CTNNA2: variants seen among roughly 807,000 people sequenced by gnomAD.
CTNNA2 encodes catenin alpha-2.
A neutral mutation model predicts 101.0 loss-of-function variants in CTNNA2; 42 were observed. The observed-to-expected ratio is 0.42, with a 90% CI of 0.32 to 0.54. CTNNA2 has a LOEUF of 0.54. Ranked by LOEUF, CTNNA2 falls within the 20% of genes least tolerant of loss-of-function variation. The pLI is 0.14. For missense variants in CTNNA2, 871 were observed against 1,223.1 expected (o/e 0.71, Z 4.29); for synonymous variants, 450 against 456.4 (o/e 0.99, Z 0.18).
At chr2:79,487,347 C>T (rs1315326045) in intron 4 of CTNNA2, among the ~76,000 whole-genome samples, 1 of 152,174 alleles carries the variant, frequency 6.6e-6, no homozygotes, top group African/African-American at 2.4e-5. Flanking sequence ...TTCATATAAA[C>T]ATGCTGCTTC....
chr2:79,933,547 C>T (rs994844726), intron 7 of CTNNA2, among the ~76,000 whole-genome samples: 4 of 151,772 alleles, frequency 2.6e-5, no homozygotes, highest in East Asian at 1.9e-4. Flanking sequence ...CTCTGCGTCC[C>T]GGGTTCATGC....
At chr2:79,887,402 G>C (rs1000854771) in intron 6 of CTNNA2, among the ~76,000 whole-genome samples, 89 of 152,192 alleles carry the variant, frequency 5.8e-4, no homozygotes, top group African/African-American at 2.0e-3. Context: ...CATTTTCTAG[G>C]TCTAATTATG....
intron 15 of CTNNA2, among the ~76,000 whole-genome samples, chr2:80,591,788 G>C (rs113654329): frequency 0.014 from 2,076 of 152,102 alleles, 19 homozygotes; most frequent in Admixed American, 0.022. Flanking sequence ...TCATTAATTT[G>C]ATTCAGTAAT....
intron 2 of CTNNA2, among the ~76,000 whole-genome samples, chr2:79,206,477 C>A (rs543566907): frequency 6.6e-6 from 1 of 152,036 alleles, no homozygotes; most frequent in Non-Finnish European, 1.5e-5. Context: ...TTTTATGCAC[C>A]CTTTTGATCT....
In CTNNA2 at chr2:79,709,754, T is replaced by C. The variant is rs569668983; in HGVS notation, c.103-34633T>C. ...TCAGCAGGAAGTGGTAATGGAGAAA[T>C]AGGATGGGGTAGGGTGGGGTACAGA... is the stretch of plus-strand genomic sequence containing the variant. On this transcript the variant is annotated intron_variant, in intron 2 of 18. Coordinates refer to ENST00000402739, the MANE Select transcript of CTNNA2 (RefSeq NM_001282597.3). Among the ~76,000 whole-genome samples, 164 of 151,786 alleles carry C rather than the reference T, an allele frequency of 1.1e-3. 1 individual carries two copies. The highest frequency in any genetic ancestry group is 3.1e-3 in the Admixed American group (47 of 15,232).
At chr2:79,917,292 T>G (rs1278106643) in intron 7 of CTNNA2, among the ~76,000 whole-genome samples, 4 of 152,030 alleles carry the variant, frequency 2.6e-5, no homozygotes, top group Admixed American at 2.6e-4. Context: ...ATGGTCTTGA[T>G]CTCTTGATCT....
rs570422141 is a variant in CTNNA2 at position 80,072,457 on chromosome 2, T to C, written c.1056+162660T>C. On this transcript the variant is annotated intron_variant, in intron 7 of 18. Transcript: ENST00000402739. Reference sequence around the variant, plus strand: ...TTCTGGGGTACCCCACTGCTCCGTATCACTTTTATTTTCTATTTGTTTAAT... The same window carrying C: ...TTCTGGGGTACCCCACTGCTCCGTACCACTTTTATTTTCTATTTGTTTAAT... Among the ~76,000 whole-genome samples the C allele has an allele frequency of 4.6e-5, 7 of 152,296 alleles. No individual in the cohort carries two copies. In the East Asian group the frequency reaches 1.2e-3, roughly 25 times the overall value.
At chr2:79,434,892 C>T (rs1678697322) in intron 4 of CTNNA2, among the ~76,000 whole-genome samples, 2 of 152,136 alleles carry the variant, frequency 1.3e-5, no homozygotes, top group African/African-American at 4.8e-5. Context: ...TCTTCCAGTC[C>T]TGCCCCACAT....
At chr2:79,676,576 C>T (rs1683199286) in intron 2 of CTNNA2, among the ~76,000 whole-genome samples, 1 of 152,120 alleles carries the variant, frequency 6.6e-6, no homozygotes. Flanking sequence ...CCGTCAACAG[C>T]AACACCCTAC....
At chr2:80,646,609 G>GGC (rs1315725251) in intron 18 of CTNNA2, among the ~76,000 whole-genome samples, 1 of 151,812 alleles carries the variant, frequency 6.6e-6, no homozygotes, top group Admixed American at 6.6e-5. Context: ...CTGTGATGCA[G>GGC]GCAGTGAAGC....
At chr2:79,405,964 A>C (rs768180801) in intron 4 of CTNNA2, among the ~76,000 whole-genome samples, 2 of 152,062 alleles carry the variant, frequency 1.3e-5, no homozygotes, top group Non-Finnish European at 2.9e-5. Flanking sequence ...CCTCAGAAGA[A>C]TACTGAAAGA....
chr2:80,559,398 C>A (rs1309651673), intron 12 of CTNNA2, among the ~76,000 whole-genome samples: 1 of 152,138 alleles, frequency 6.6e-6, no homozygotes, highest in Non-Finnish European at 1.5e-5. Context: ...TAGGGAGACT[C>A]CCACTTTACC....
chr2:79,868,137 C>G (rs1379516812), intron 4 of CTNNA2, among the ~76,000 whole-genome samples: 5 of 152,214 alleles, frequency 3.3e-5, no homozygotes, highest in African/African-American at 1.2e-4. Flanking sequence ...CACATGAGCA[C>G]TATTAGAGCC....
At chr2:80,233,660 G>C (rs1041265204) in intron 7 of CTNNA2, among the ~76,000 whole-genome samples, 3 of 152,110 alleles carry the variant, frequency 2.0e-5, no homozygotes, top group Admixed American at 6.6e-5. Context: ...GCTAGAAAAG[G>C]CATCTCTTTA....
At chr2:79,667,127 G>T (rs988355718) in intron 2 of CTNNA2, among the ~76,000 whole-genome samples, 2 of 152,212 alleles carry the variant, frequency 1.3e-5, no homozygotes, top group African/African-American at 4.8e-5. Flanking sequence ...ACTAACTTTG[G>T]TAAAATTTAA....
intron 1 of CTNNA2, among the ~76,000 whole-genome samples, chr2:79,596,385 T>C (rs60077432): frequency 0.027 from 4,041 of 152,178 alleles, 165 homozygotes; most frequent in African/African-American, 0.092. Flanking sequence ...CCAAATGTTA[T>C]AATATATATA....
chr2:80,551,302 G>A (rs1692537283), intron 11 of CTNNA2, among the ~76,000 whole-genome samples: 1 of 152,116 alleles, frequency 6.6e-6, no homozygotes, highest in South Asian at 2.1e-4. Context: ...ATAACTCTTA[G>A]GGCCCTGGGA....
intron 7 of CTNNA2, among the ~76,000 whole-genome samples, chr2:80,095,356 C>T (rs1386767359): frequency 2.0e-5 from 3 of 152,212 alleles, no homozygotes; most frequent in African/African-American, 7.2e-5. Flanking sequence ...ATGAAGCCCA[C>T]TTGATCATGG....
chr2:79,524,801 T>G (rs1672312077), intron 1 of CTNNA2: 1 of 151,954 alleles, frequency 6.6e-6, no homozygotes, highest in Non-Finnish European at 1.5e-5. Flanking sequence ...ATCAGTATAT[T>G]TGTGAATCTT....
Sources: allele counts gnomAD v4.1 joint callset (sites outside exome capture counted in the v4.1 genomes callset), GRCh38; gene constraint gnomAD v4.1.1; transcripts MANE v1.5; gene names NCBI Gene and HGNC (gene_info 2026-07-23, HGNC 2026-07-21).